The following ME3 variants were observed in gnomAD, a reference collection of about 807,000 sequenced individuals.
The protein encoded by ME3 is malic enzyme 3, also known as NADP-dependent malic enzyme, mitochondrial.
Under a neutral mutation model 68.9 loss-of-function variants are expected in ME3, and 48 were observed. The observed-to-expected ratio is 0.70, with a 90% CI of 0.55 to 0.89. The LOEUF is 0.89. Among genes scored for constraint, ME3 ranks in the 40% least tolerant of loss-of-function variants. The pLI is 0.00. For synonymous variants in ME3, 320 were observed against 318.8 expected, an observed-to-expected ratio of 1.00 and a Z score of -0.04; for missense variants, 675 against 797.4, an observed-to-expected ratio of 0.85 and a Z score of 1.85.
At chr11:86,505,262 G>A (rs112264949) in intron 5 of ME3, among the ~76,000 whole-genome samples, 2 of 152,086 alleles carry the variant, frequency 1.3e-5, no homozygotes, top group African/African-American at 2.4e-5. Flanking sequence ...CTAGGGGTGG[G>A]GGGGGAGGAA....
chr11:86,589,119 TG>T (rs1958907254), intron 2 of ME3, among the ~76,000 whole-genome samples: 1 of 152,198 alleles, frequency 6.6e-6, no homozygotes, highest in South Asian at 2.1e-4. Context: ...AGCCTTATTT[TG>T]GGTGCAGACT....
downstream of ME3, among the ~76,000 whole-genome samples, chr11:86,437,521 G>C (rs1331641593): frequency 1.4e-5 from 2 of 144,168 alleles, no homozygotes; most frequent in African/African-American, 5.2e-5. Flanking sequence ...CAATGGTTTT[G>C]ATAGGTATAG....
At chr11:86,630,452 CAT>C (rs773248103) in intron 2 of ME3, among the ~76,000 whole-genome samples, 2 of 152,184 alleles carry the variant, frequency 1.3e-5, no homozygotes, top group Non-Finnish European at 2.9e-5. Context: ...TCTGGGTTTC[CAT>C]GAAACAGAGC....
chr11:86,666,787 T>C (rs1946613670), intron 2 of ME3, among the ~76,000 whole-genome samples: 1 of 152,188 alleles, frequency 6.6e-6, no homozygotes, highest in Non-Finnish European at 1.5e-5. Context: ...CTCGAGAAGA[T>C]ATATTATGTA....
intron 2 of ME3, among the ~76,000 whole-genome samples, chr11:86,628,264 C>A (rs948222299): frequency 1.3e-5 from 2 of 152,196 alleles, no homozygotes; most frequent in African/African-American, 4.8e-5. Context: ...TGGCTGAGCT[C>A]CCTTGCCTGC....
At chr11:86,579,632 G>A in intron 2 of ME3, among the ~76,000 whole-genome samples, 1 of 152,272 alleles carries the variant, frequency 6.6e-6, no homozygotes, top group South Asian at 2.1e-4. Flanking sequence ...AGGCACAGCA[G>A]CCTAGGAATG....
At chr11:86,616,033 G>C (rs1942934766) in intron 2 of ME3, among the ~76,000 whole-genome samples, 1 of 152,156 alleles carries the variant, frequency 6.6e-6, no homozygotes, top group African/African-American at 2.4e-5. Flanking sequence ...ATATGTTCTT[G>C]TCACTTTAAG....
intron 2 of ME3, among the ~76,000 whole-genome samples, chr11:86,599,921 C>A (rs959900294): frequency 6.6e-6 from 1 of 152,080 alleles, no homozygotes; most frequent in African/African-American, 2.4e-5. Flanking sequence ...CACCACCAAG[C>A]CTGCCCTAAA....
chr11:86,563,079 A>G (rs951249222), intron 2 of ME3, among the ~76,000 whole-genome samples: 21 of 152,084 alleles, frequency 1.4e-4, no homozygotes, highest in African/African-American at 4.8e-4. Context: ...ATTGATGGGC[A>G]CCTGAGTTGA....
chr11:86,598,590 G>T (rs1285139052), intron 2 of ME3, among the ~76,000 whole-genome samples: 1 of 152,204 alleles, frequency 6.6e-6, no homozygotes, highest in African/African-American at 2.4e-5. Flanking sequence ...CAGCTTTGAG[G>T]AGAGCAGTGG....
At chr11:86,588,418 G>T (rs1958862393) in intron 2 of ME3, among the ~76,000 whole-genome samples, 1 of 152,206 alleles carries the variant, frequency 6.6e-6, no homozygotes, top group Admixed American at 6.5e-5. Context: ...TGTAAGTGGG[G>T]ACTATCTCAG....
downstream of ME3, among the ~76,000 whole-genome samples, chr11:86,438,260 A>G (rs891065729): frequency 2.0e-5 from 3 of 151,840 alleles, no homozygotes; most frequent in Admixed American, 1.3e-4. Context: ...CTTTCATTCT[A>G]TTAATGTAAT....
At chr11:86,565,556 G>C (rs1025024881) in intron 2 of ME3, among the ~76,000 whole-genome samples, 3 of 152,198 alleles carry the variant, frequency 2.0e-5, no homozygotes, top group African/African-American at 7.2e-5. Flanking sequence ...AAAAAGGAAT[G>C]AAGTTCTGCT....
At chr11:86,509,911 A>G (rs1470269249) in intron 4 of ME3, among the ~76,000 whole-genome samples, 1 of 152,142 alleles carries the variant, frequency 6.6e-6, no homozygotes, top group Non-Finnish European at 1.5e-5. Context: ...ATAAAAGAGA[A>G]TCCAGAGTCC....
chr11:86,552,676 A>T (rs1956752536), intron 4 of ME3, among the ~76,000 whole-genome samples: 1 of 152,110 alleles, frequency 6.6e-6, no homozygotes, highest in African/African-American at 2.4e-5. Context: ...TCTCTCCCTC[A>T]CTGCAAGACT....
intron 7 of ME3, among the ~76,000 whole-genome samples, chr11:86,466,921 C>T (rs147922182): frequency 3.9e-5 from 6 of 152,336 alleles, no homozygotes; most frequent in Admixed American, 1.3e-4. Context: ...CTCTATTCTA[C>T]CTCAGTTTCC....
chr11:86,658,840 T>TG (rs1305636165), intron 2 of ME3, among the ~76,000 whole-genome samples: 1 of 152,172 alleles, frequency 6.6e-6, no homozygotes, highest in Non-Finnish European at 1.5e-5. Flanking sequence ...GTTTCAGCTC[T>TG]GATGGGTGGA....
intron 13 of ME3, among the ~76,000 whole-genome samples, chr11:86,443,794 C>T (rs1416257762): frequency 6.6e-6 from 1 of 152,202 alleles, no homozygotes; most frequent in Non-Finnish European, 1.5e-5. Context: ...CTTTTCCATT[C>T]ATTCAGTCAT....
At chr11:86,531,798 G>A (rs1395871652) in intron 4 of ME3, among the ~76,000 whole-genome samples, 2 of 146,192 alleles carry the variant, frequency 1.4e-5, no homozygotes, top group East Asian at 2.0e-4. Flanking sequence ...GACACAGGAA[G>A]GGGAACATCA....
Sources: gnomAD v4.1 joint callset for allele counts (sites outside exome capture counted in the v4.1 genomes callset) on GRCh38, gnomAD v4.1.1 for gene constraint, MANE v1.5 for transcripts, NCBI Gene and HGNC (gene_info 2026-07-23, HGNC 2026-07-21) for gene names.